The following MDGA2 variants were observed in gnomAD, a reference collection of about 807,000 sequenced individuals.
MDGA2 encodes the protein MAM domain-containing glycosylphosphatidylinositol anchor protein 2.
Under a neutral mutation model 117.8 loss-of-function variants are expected in MDGA2, and 40 were observed. The observed-to-expected ratio is 0.34, with a 90% CI of 0.26 to 0.44. The LOEUF is 0.44. Among genes scored for constraint, MDGA2 ranks in the 20% least tolerant of loss-of-function variants. The probability of loss-of-function intolerance (pLI) is 1.00; values close to 1 mark genes in which losing one functional copy is unlikely to be tolerated. For synonymous variants in MDGA2, 452 were observed against 439.0 expected (o/e 1.03, Z -0.37); for missense variants, 1,123 against 1,250.6 (o/e 0.90, Z 1.54).
intron 5 of MDGA2, among the ~76,000 whole-genome samples, chr14:47,105,859 C>G (rs966890937): frequency 6.6e-6 from 1 of 151,978 alleles, no homozygotes; most frequent in African/African-American, 2.4e-5. Context: ...GGCTGCTCCT[C>G]GCCAGGCTGA....
intron 8 of MDGA2, among the ~76,000 whole-genome samples, chr14:47,024,694 CTTCT>C (rs1170579912): frequency 2.6e-5 from 4 of 152,110 alleles, no homozygotes; most frequent in Admixed American, 6.6e-5. Context: ...AAGTATTTGA[CTTCT>C]TTCTTTAAGA....
intron 8 of MDGA2, chr14:46,960,548 T>C (rs1197528022): frequency 1.3e-5 from 2 of 152,064 alleles, no homozygotes; most frequent in Admixed American, 6.6e-5. Context: ...GATCCAAGAC[T>C]TAGCCACTCG....
chr14:46,853,718 C>T (rs1019093082), intron 15 of MDGA2, among the ~76,000 whole-genome samples: 2 of 151,354 alleles, frequency 1.3e-5, no homozygotes, highest in Admixed American at 1.3e-4. Context: ...GTGAACTTTG[C>T]TGGAATTTTG....
intron 1 of MDGA2, among the ~76,000 whole-genome samples, chr14:47,650,534 G>C (rs56286993): frequency 0.026 from 3,882 of 152,142 alleles, 101 homozygotes; most frequent in Non-Finnish European, 0.032. Context: ...AGGCAAACTG[G>C]CATGTCTAAA....
In MDGA2 at chr14:47,217,984, A is replaced by C. The variant is rs8011854; in HGVS notation, c.595+37T>G. On this transcript the variant is annotated intron_variant, in intron 3 of 16. Transcript: ENST00000399232. Reference sequence around the variant, plus strand: ...ACTTGTAAGACAAAAGAAATCCATAATAGGCTTAATTATAGTTTTCTGGAA... The same window carrying C: ...ACTTGTAAGACAAAAGAAATCCATACTAGGCTTAATTATAGTTTTCTGGAA... 1,233,178 of 1,444,714 alleles carry C rather than the reference A, an allele frequency of 0.85. 527,040 individuals carry two copies. The highest frequency in any genetic ancestry group is 0.94 in the East Asian group (35,938 of 38,046). The allele number at this position is 1,444,714 out of a possible 1,614,324, so 89.5% of individuals were successfully genotyped here.
At chr14:47,508,782 C>A (rs1228377575) in intron 1 of MDGA2, among the ~76,000 whole-genome samples, 1 of 152,108 alleles carries the variant, frequency 6.6e-6, no homozygotes, top group Non-Finnish European at 1.5e-5. Flanking sequence ...CGGGTTCATG[C>A]CATTCTACTG....
rs1169325395 is a variant in MDGA2 at position 46,908,928 on chromosome 14, T to C, written c.2238+11084A>G. 3.9e-5 allele frequency among the ~76,000 whole-genome samples: 6 copies of C among 152,308 alleles called. No homozygotes were observed. In the East Asian group the frequency reaches 1.2e-3, roughly 29 times the overall value. Reference sequence around the variant, plus strand: ...CCCAAAATAATGAACATGTGGGAAATGTAAAGATCAGCTTCTGCTACCTTC... The same window carrying C: ...CCCAAAATAATGAACATGTGGGAAACGTAAAGATCAGCTTCTGCTACCTTC... On this transcript the variant is annotated intron_variant, in intron 10 of 16. Transcript: ENST00000399232.
In MDGA2 at chr14:46,957,547, C is replaced by A; in HGVS notation, c.1916G>T (p.Arg639Leu). 6.2e-7 allele frequency: 1 copy of A among 1,614,116 alleles called. No homozygotes were observed. Among genetic ancestry groups the A allele is most frequent in the Non-Finnish European group, 8.5e-7 (1 of 1,180,012 alleles). ...SCRVLRAYPI[R>L]VLTYEWRLGN... ...CAAGCGCCACTCATAGGTCAGCACCCGTATTGGATAGGCTCTCAGTACTCT... is the reference window on the plus strand; with the variant it reads ...CAAGCGCCACTCATAGGTCAGCACCAGTATTGGATAGGCTCTCAGTACTCT... Residue 639 changes from arginine to leucine, a missense_variant, in exon 9 of 17, where the codon CGG becomes CTG. By Grantham distance (102) the Arg-to-Leu change is moderately radical. This residue lies in a region of MDGA2 where 890 missense variants were observed against 1,050.3 expected (regional missense o/e 0.85). Coordinates refer to ENST00000399232, the MANE Select transcript of MDGA2 (RefSeq NM_001113498.3).
Position 47,674,712 on chromosome 14 carries a change from G to C in MDGA2, c.85C>G (p.Arg29Gly). ...RTDGRRFLLR[R>G]AVPGHLGLAR... Reference sequence around the variant, plus strand: ...AAGCCGAGGTGCCCGGGAACCGCTCGCCGAAGGAGGAAGCGCCGTCCGTCT... The same window carrying C: ...AAGCCGAGGTGCCCGGGAACCGCTCCCCGAAGGAGGAAGCGCCGTCCGTCT... Residue 29 changes from arginine (R) to glycine (G), a missense_variant, in exon 1 of 17, where the codon CGA (arginine) becomes GGA (glycine). Around this residue, in one of 2 missense-constraint regions of MDGA2, gnomAD observed 233 missense variants for 200.3 expected, o/e 1.16. Transcript: ENST00000399232. 1 of 912,992 alleles carries C rather than the reference G, an allele frequency of 1.1e-6. No individual in the cohort carries two copies. Among genetic ancestry groups the C allele is most frequent in the Non-Finnish European group, 1.8e-6 (1 of 566,832 alleles). The allele number at this position is 912,992 out of a possible 1,614,324, so 56.6% of individuals were successfully genotyped here. A position where few individuals can be genotyped will look rare whatever the true frequency, so the allele number is the denominator to read the frequency against.
intron 1 of MDGA2, chr14:47,444,643 T>A (rs971298157): frequency 6.6e-6 from 1 of 152,142 alleles, no homozygotes; most frequent in African/African-American, 2.4e-5. Flanking sequence ...AAAGCATGCA[T>A]GTAAGACTTC....
intron 1 of MDGA2, among the ~76,000 whole-genome samples, chr14:47,509,053 T>A: frequency 6.6e-6 from 1 of 152,034 alleles, no homozygotes; most frequent in East Asian, 1.9e-4. Context: ...TACAGACAGG[T>A]TTCTATGAAG....
intron 1 of MDGA2, among the ~76,000 whole-genome samples, chr14:47,520,794 A>C (rs1894853459): frequency 6.6e-6 from 1 of 152,204 alleles, no homozygotes; most frequent in South Asian, 2.1e-4. Flanking sequence ...ATTCCAATCT[A>C]TTAGATTCAT....
intron 1 of MDGA2, among the ~76,000 whole-genome samples, chr14:47,459,313 G>A (rs1288533539): frequency 1.3e-5 from 2 of 152,016 alleles, no homozygotes; most frequent in Non-Finnish European, 2.9e-5. Flanking sequence ...CATAGTACAG[G>A]TCCTGCATCC....
intron 1 of MDGA2, among the ~76,000 whole-genome samples, chr14:47,319,710 T>C (rs1291096336): frequency 6.6e-6 from 1 of 152,204 alleles, no homozygotes; most frequent in Non-Finnish European, 1.5e-5. Context: ...CTTTTGTTTG[T>C]TTGTCTTATG....
intron 1 of MDGA2, among the ~76,000 whole-genome samples, chr14:47,334,074 C>T (rs545911835): frequency 2.0e-5 from 3 of 151,846 alleles, no homozygotes; most frequent in African/African-American, 7.2e-5. Flanking sequence ...ACTCATCACA[C>T]TCAAAAGGTG....
intron 1 of MDGA2, among the ~76,000 whole-genome samples, chr14:47,538,499 T>C (rs1282178931): frequency 6.6e-6 from 1 of 152,246 alleles, no homozygotes; most frequent in African/African-American, 2.4e-5. Context: ...AATTATCTTT[T>C]GTGTTGAGAT....
At chr14:47,266,896 T>C (rs1887983457) in intron 2 of MDGA2, among the ~76,000 whole-genome samples, 3 of 152,222 alleles carry the variant, frequency 2.0e-5, no homozygotes, top group Non-Finnish European at 4.4e-5. Context: ...CTTCATGTTA[T>C]CCAGAACATC....
intron 1 of MDGA2, among the ~76,000 whole-genome samples, chr14:47,441,759 T>C (rs561203546): frequency 9.2e-5 from 14 of 152,186 alleles, no homozygotes; most frequent in African/African-American, 2.9e-4. Context: ...ATTATGCCAA[T>C]TGGTAGAATA....
At chr14:47,375,066 C>T (rs1339066253) in intron 1 of MDGA2, among the ~76,000 whole-genome samples, 1 of 151,552 alleles carries the variant, frequency 6.6e-6, no homozygotes, top group South Asian at 2.1e-4. Flanking sequence ...GGTTACTTAA[C>T]CTTTCAAAAC....
Sources: gnomAD v4.1 joint callset for allele counts (sites outside exome capture counted in the v4.1 genomes callset) on GRCh38, gnomAD v4.1.1 for gene constraint, gnomAD v4.1.1 regional missense constraint, MANE v1.5 for transcripts, NCBI Gene and HGNC (gene_info 2026-07-23, HGNC 2026-07-21) for gene names.